Variants in LAD1 observed in about 807,000 individuals in gnomAD.
LAD1 encodes ladinin-1.
LAD1 carries 53 observed loss-of-function variants against 54.2 expected under a neutral mutation model. The observed-to-expected ratio is 0.98, with a 90% CI of 0.78 to 1.23. The LOEUF is 1.23. LAD1 is among the 50% of genes most tolerant of loss of function. LAD1 has a pLI of 0.00. For synonymous variants in LAD1, 231 were observed against 257.7 expected, an observed-to-expected ratio of 0.90 and a Z score of 0.99; for missense variants, 637 against 653.3, an observed-to-expected ratio of 0.98 and a Z score of 0.27.
At position 201,383,186 on chromosome 1, in the gene LAD1, C is replaced by A. The variant is rs776477138; in HGVS notation, c.1274G>T (p.Gly425Val). Residue 425 changes from glycine to valine, a missense_variant, in exon 7 of 10, where the codon GGT becomes GTT. Coordinates refer to ENST00000391967, the MANE Select transcript of LAD1 (RefSeq NM_005558.4). ...IRRSESVKSR[G>V]LPCTELFVAP... Reference sequence around the variant, plus strand: ...CACGAATAACTCAGTGCAAGGCAGACCCCGAGACTTGACAGATTCTGATCT... The same window carrying A: ...CACGAATAACTCAGTGCAAGGCAGAACCCGAGACTTGACAGATTCTGATCT... 9.3e-6 allele frequency: 15 copies of A among 1,613,952 alleles called. No individual in the cohort carries two copies. The East Asian group carries it at 3.3e-4, about 36-fold the overall frequency.
At chr1:201,393,485 C>T (rs2102360171) in intron 1 of LAD1, among the ~76,000 whole-genome samples, 1 of 152,286 alleles carries the variant, frequency 6.6e-6, no homozygotes, top group Non-Finnish European at 1.5e-5. Context: ...GTGGCTCATG[C>T]CTGTAATCCT....
rs1335042389 is a variant in LAD1 at position 201,381,328 on chromosome 1, G to A, written c.*560C>T. Reference sequence around the variant, plus strand: ...CTCCTGGCCATGGCAGCCGGCCAGGGAAGGGAGGGGAGAACCAAGCAGGGA... The same window carrying A: ...CTCCTGGCCATGGCAGCCGGCCAGGAAAGGGAGGGGAGAACCAAGCAGGGA... On this transcript the variant is annotated 3_prime_UTR_variant, in exon 10 of 10. Coordinates refer to ENST00000391967, the MANE Select transcript of LAD1 (RefSeq NM_005558.4). The A allele has an allele frequency of 1.2e-5, 2 of 161,808 alleles. No homozygotes were observed. Among genetic ancestry groups the A allele is most frequent in the Non-Finnish European group, 2.7e-5 (2 of 72,734 alleles). The allele number at this position is 161,808 out of a possible 1,614,324, so 10.0% of individuals were successfully genotyped here.
chr1:201,397,001 G>A (rs1662302407), intron 1 of LAD1, among the ~76,000 whole-genome samples: 1 of 152,196 alleles, frequency 6.6e-6, no homozygotes, highest in African/African-American at 2.4e-5. Flanking sequence ...CCAGTCCGGG[G>A]AGAAAAGGAC....
chr1:201,398,826 T>TC, intron 1 of LAD1, among the ~76,000 whole-genome samples: 1 of 152,130 alleles, frequency 6.6e-6, no homozygotes, highest in South Asian at 2.1e-4. Flanking sequence ...AAGACGGCTC[T>TC]CCCTGCTCCC....
chr1:201,398,067 A>C (rs893309445), intron 1 of LAD1, among the ~76,000 whole-genome samples: 1 of 152,168 alleles, frequency 6.6e-6, no homozygotes, highest in South Asian at 2.1e-4. Flanking sequence ...ACAGTGCTTC[A>C]GAGCACTGTG....
At chr1:201,392,564 C>T (rs1662214036) in intron 1 of LAD1, among the ~76,000 whole-genome samples, 1 of 152,180 alleles carries the variant, frequency 6.6e-6, no homozygotes, top group Admixed American at 6.5e-5. Context: ...CCAGCCAGTG[C>T]AGAGCCTGCA....
intron 7 of LAD1, 96 bp downstream of exon 7, chr1:201,382,978 G>T: frequency 2.1e-6 from 3 of 1,424,526 alleles, no homozygotes; most frequent in Non-Finnish European, 1.9e-6. Context: ...ATTGACACAT[G>T]AAAACAGTTT....
chr1:201,389,545 G>A (rs1318259097), intron 1 of LAD1, among the ~76,000 whole-genome samples: 2 of 152,154 alleles, frequency 1.3e-5, no homozygotes, highest in South Asian at 2.1e-4. Flanking sequence ...AGGCGCGGTC[G>A]CTCATGCCTA....
At chr1:201,384,989 A>G (rs951309577) in intron 4 of LAD1, among the ~76,000 whole-genome samples, 154 bp from the exon 5 acceptor site, 1 of 152,176 alleles carries the variant, frequency 6.6e-6, no homozygotes, top group African/African-American at 2.4e-5. Flanking sequence ...AAATATGTGG[A>G]CAAGCCTTCG....
intron 1 of LAD1, among the ~76,000 whole-genome samples, chr1:201,395,775 A>C (rs1213166086): frequency 1.3e-5 from 2 of 152,078 alleles, no homozygotes; most frequent in Non-Finnish European, 2.9e-5. Flanking sequence ...ATATAAAGAA[A>C]CTGAGGCTCA....
In LAD1 at chr1:201,386,809, G is replaced by A. The variant is rs960131457; in HGVS notation, c.552C>T (p.Ser184=). ...TTTCAGGTGCCGTCTTCTTTGGCAT[G>A]GAGGACTTCTCCAAGACTGGGGACT... The part of the protein sequence containing the change: ...PEKSPVLEKS[S]MPKKTAPEKS... Residue 184 remains serine (S), a synonymous_variant, in exon 3 of 10, where the codon TCC becomes TCT. Coordinates refer to ENST00000391967, the MANE Select transcript of LAD1 (RefSeq NM_005558.4). The A allele has an allele frequency of 1.2e-6, 2 of 1,613,872 alleles. No individual in the cohort carries two copies. The highest frequency in any genetic ancestry group is 1.1e-5 in the South Asian group (1 of 91,050).
chr1:201,383,622 C>T lies in LAD1; in HGVS notation c.1176-233G>A, dbSNP rs114033900. The T allele has an allele frequency of 1.5e-3, 866 of 567,686 alleles. 4 individuals are homozygous for T. The highest frequency in any genetic ancestry group is 8.6e-3 in the African/African-American group (457 of 53,330). The allele number at this position is 567,686 out of a possible 1,614,324, so 35.2% of individuals were successfully genotyped here. On this transcript the variant is annotated intron_variant, in intron 5 of 9. Transcript: ENST00000391967. ...CATTCAATAGGACATCCCTTCTCCC[C>T]CATACCTTGTCATTTCCACTGCAAA...
At chr1:201,382,541 T>G in intron 8 of LAD1, 112 bp downstream of exon 8, 8 of 918,852 alleles carry the variant, frequency 8.7e-6, no homozygotes, top group Non-Finnish European at 1.4e-5. Context: ...TCTCCCGAAA[T>G]GACTCCTCCT....
At chr1:201,398,332 C>T (rs1275234716) in intron 1 of LAD1, among the ~76,000 whole-genome samples, 1 of 152,182 alleles carries the variant, frequency 6.6e-6, no homozygotes, top group Admixed American at 6.5e-5. Context: ...ACCCAAATGC[C>T]CACCTGGGAG....
intron 1 of LAD1, among the ~76,000 whole-genome samples, chr1:201,398,182 G>C (rs1453048123): frequency 6.6e-6 from 1 of 152,164 alleles, no homozygotes; most frequent in Non-Finnish European, 1.5e-5. Context: ...CTTATTAAGG[G>C]AGGGCAGGAG....
rs528317798 is a variant in LAD1, at chr1:201,398,611, T to C, written c.38+658A>G. Among the ~76,000 whole-genome samples the C allele has an allele frequency of 1.3e-4, 20 of 152,292 alleles. 1 individual carries two copies. The South Asian group carries it at 4.1e-3, about 32-fold the overall frequency. On this transcript the variant is annotated intron_variant, in intron 1 of 9. Coordinates refer to ENST00000391967, the MANE Select transcript of LAD1 (RefSeq NM_005558.4). ...CCAGGCCTCTCGGACCCTGATGGGA[T>C]GTCCAGCAGGCAGGGGTAGGATGCC...
intron 2 of LAD1, among the ~76,000 whole-genome samples, chr1:201,388,902 A>C (rs1257341038): frequency 6.6e-6 from 1 of 152,204 alleles, no homozygotes; most frequent in Non-Finnish European, 1.5e-5. Context: ...CATTGTGTGG[A>C]TTACGTGAGC....
chr1:201,386,247 G>A (rs1662080967), intron 3 of LAD1, 88 bp downstream of exon 3: 2 of 1,288,990 alleles, frequency 1.6e-6, no homozygotes, highest in Non-Finnish European at 2.0e-6. Flanking sequence ...GAGGCAGCCA[G>A]GGAACCAGGG....
In LAD1 at chr1:201,385,794, G is replaced by A; in HGVS notation, c.1038C>T (p.Pro346=). 1 of 1,613,808 alleles carries A rather than the reference G, an allele frequency of 6.2e-7. No homozygotes were observed. The highest frequency in any genetic ancestry group is 8.5e-7 in the Non-Finnish European group (1 of 1,179,656). ...ACATATCTGCCTCTTCCTCCTTGCTGGGGATTTTCACCTGGATGGAGCAGG... is the reference window on the plus strand; with the variant it reads ...ACATATCTGCCTCTTCCTCCTTGCTAGGGATTTTCACCTGGATGGAGCAGG... ...LPPVTLQVKI[P]SKEEEADMSS... is the part of the protein sequence containing the mutation. The change falls in exon 4 of 10, where the codon CCC becomes CCT. Residue 346 remains proline, a synonymous_variant. Transcript: ENST00000391967.
Sources: gnomAD v4.1 joint callset for allele counts (sites outside exome capture counted in the v4.1 genomes callset) on GRCh38, gnomAD v4.1.1 for gene constraint, MANE v1.5 for transcripts, NCBI Gene and HGNC (gene_info 2026-07-23, HGNC 2026-07-21) for gene names.